The following CNBD1 variants were observed in gnomAD, a reference collection of about 807,000 sequenced individuals.
CNBD1 encodes cyclic nucleotide-binding domain-containing protein 1.
A neutral mutation model predicts 54.4 loss-of-function variants in CNBD1; 71 were observed. That is an observed-to-expected ratio of 1.30 (90% confidence interval 1.08 to 1.59). The LOEUF is 1.59. Among genes scored for constraint, CNBD1 ranks in the 40% most tolerant of loss-of-function variants. The probability of loss-of-function intolerance (pLI) is 0.00; values close to 1 mark genes in which losing one functional copy is unlikely to be tolerated. For synonymous variants in CNBD1, 182 were observed against 170.7 expected (o/e 1.07, Z -0.51); for missense variants, 659 against 518.0 (o/e 1.27, Z -2.64).
At chr8:87,186,139 AATGT>A (rs1813470963) in intron 4 of CNBD1, among the ~76,000 whole-genome samples, 1 of 152,060 alleles carries the variant, frequency 6.6e-6, no homozygotes, top group Non-Finnish European at 1.5e-5. Context: ...CCTACGCCAA[AATGT>A]ATTTATTCTA....
chr8:87,157,543 G>T (rs972216683), intron 4 of CNBD1, among the ~76,000 whole-genome samples: 1 of 151,786 alleles, frequency 6.6e-6, no homozygotes, highest in Non-Finnish European at 1.5e-5. Context: ...GTATTCTTTT[G>T]CATTCAGCAG....
chr8:87,411,397 C>CATATATATAT (rs6150689), intron 2 of CNBD1, among the ~76,000 whole-genome samples: 1,471 of 92,304 alleles, frequency 0.016, 48 homozygotes, highest in African/African-American at 0.024. Flanking sequence ...CTAGCTATAT[C>CATATATATAT]ATATATATAT....
chr8:87,368,188 A>AAAGAG (rs1169725037), intron 10 of CNBD1, among the ~76,000 whole-genome samples: 16 of 148,622 alleles, frequency 1.1e-4, no homozygotes, highest in African/African-American at 3.7e-4. Flanking sequence ...AAAGAAAAGA[A>AAAGAG]TATGTTATAG....
chr8:87,127,286 C>T (rs943807183), intron 4 of CNBD1, among the ~76,000 whole-genome samples: 9 of 152,020 alleles, frequency 5.9e-5, no homozygotes, highest in Admixed American at 3.3e-4. Context: ...TTCCAACATA[C>T]GAACACAATA....
intron 2 of CNBD1, among the ~76,000 whole-genome samples, chr8:86,893,242 C>T (rs1015367855): frequency 1.3e-5 from 2 of 152,158 alleles, no homozygotes; most frequent in African/African-American, 4.8e-5. Context: ...AATGTTTTAC[C>T]TAACGTGTAC....
At chr8:86,929,272 A>G (rs1473182712) in intron 3 of CNBD1, among the ~76,000 whole-genome samples, 35 of 152,060 alleles carry the variant, frequency 2.3e-4, no homozygotes. Flanking sequence ...CTTTCTTTCC[A>G]TATTGTACCA....
intron 4 of CNBD1, among the ~76,000 whole-genome samples, chr8:86,950,210 G>A (rs1274758377): frequency 6.6e-6 from 1 of 151,606 alleles, no homozygotes; most frequent in East Asian, 1.9e-4. Flanking sequence ...ACAGGTGCGT[G>A]CCACCACGCC....
At chr8:87,286,085 C>T (rs1049515991) in intron 7 of CNBD1, among the ~76,000 whole-genome samples, 2 of 152,116 alleles carry the variant, frequency 1.3e-5, no homozygotes, top group African/African-American at 4.8e-5. Flanking sequence ...GTCCCAGTGT[C>T]AGTAGTGCAG....
chr8:87,378,190 G>C (rs1171657694), intron 10 of CNBD1, among the ~76,000 whole-genome samples: 1 of 141,008 alleles, frequency 7.1e-6, no homozygotes. Flanking sequence ...GTCTTTTGTT[G>C]CCATTGCTTT....
At chr8:86,987,818 C>T (rs1203232047) in intron 4 of CNBD1, among the ~76,000 whole-genome samples, 1 of 152,116 alleles carries the variant, frequency 6.6e-6, no homozygotes, top group Non-Finnish European at 1.5e-5. Flanking sequence ...GTATGTTAAA[C>T]CAGCATTGTA....
chr8:87,396,670 T>C (rs1399038550), intron 2 of CNBD1, among the ~76,000 whole-genome samples: 1 of 151,932 alleles, frequency 6.6e-6, no homozygotes, highest in Non-Finnish European at 1.5e-5. Context: ...TCTGTTTTCA[T>C]TGATTTGTCC....
intron 1 of CNBD1, among the ~76,000 whole-genome samples, chr8:86,873,885 C>T (rs762921725): frequency 2.3e-4 from 35 of 152,006 alleles, no homozygotes; most frequent in Non-Finnish European, 4.4e-4. Context: ...TTTGACATTC[C>T]GTCATCCCCA....
At chr8:86,947,462 T>C (rs546422112) in intron 4 of CNBD1, among the ~76,000 whole-genome samples, 1 of 152,254 alleles carries the variant, frequency 6.6e-6, no homozygotes, top group East Asian at 1.9e-4. Flanking sequence ...TTAAATGTTC[T>C]TTCTTCTTCA....
intron 2 of CNBD1, among the ~76,000 whole-genome samples, chr8:87,425,619 G>T (rs1273350994): frequency 6.6e-6 from 1 of 152,124 alleles, no homozygotes; most frequent in Non-Finnish European, 1.5e-5. Context: ...GTGCCTCCCA[G>T]TTAGGCTGCT....
intron 4 of CNBD1, among the ~76,000 whole-genome samples, chr8:87,022,960 G>C (rs1025672586): frequency 6.6e-6 from 1 of 152,138 alleles, no homozygotes; most frequent in Non-Finnish European, 1.5e-5. Flanking sequence ...GAACCCAGGT[G>C]CTTTCAACTA....
chr8:87,353,857 T>TAAATTAAA, intron 10 of CNBD1, 71 bp downstream of exon 10: 1 of 1,220,516 alleles, frequency 8.2e-7, no homozygotes, highest in East Asian at 2.6e-5. Flanking sequence ...TTAAATTTTT[T>TAAATTAAA]TCCTTATTAA....
intron 4 of CNBD1, among the ~76,000 whole-genome samples, chr8:87,060,523 C>T (rs1810519386): frequency 6.6e-6 from 1 of 152,114 alleles, no homozygotes; most frequent in Admixed American, 6.6e-5. Flanking sequence ...ACTATTTACT[C>T]CTTTTCTCCA....
intron 4 of CNBD1, among the ~76,000 whole-genome samples, chr8:87,200,806 A>G (rs570670087): frequency 6.6e-6 from 1 of 152,316 alleles, no homozygotes; most frequent in South Asian, 2.1e-4. Context: ...AGATGGTTTC[A>G]CTGGTAATTT....
At chr8:86,989,687 G>A (rs1016017121) in intron 4 of CNBD1, among the ~76,000 whole-genome samples, 1 of 152,094 alleles carries the variant, frequency 6.6e-6, no homozygotes, top group Non-Finnish European at 1.5e-5. Context: ...CTGAGCTCAG[G>A]CAATCCACCC....
Sources: allele counts gnomAD v4.1 joint callset (sites outside exome capture counted in the v4.1 genomes callset), GRCh38; gene constraint gnomAD v4.1.1; transcripts MANE v1.5; gene names NCBI Gene and HGNC (gene_info 2026-07-23, HGNC 2026-07-21).